Variants in MYO3B observed in about 807,000 individuals in gnomAD.
The protein encoded by MYO3B is myosin-IIIb.
In MYO3B, 156 loss-of-function variants were observed where a neutral mutation model predicts 174.6. The observed-to-expected ratio is 0.89, with a 90% CI of 0.78 to 1.02. The LOEUF (loss-of-function observed/expected upper bound fraction) is 1.02. MYO3B is among the 50% of genes least tolerant of loss of function. The pLI, the probability that MYO3B is intolerant of heterozygous loss-of-function variation, is 0.00. For synonymous variants in MYO3B, 563 were observed against 569.1 expected (o/e 0.99, Z 0.15); for missense variants, 1,632 against 1,639.4 (o/e 1.00, Z 0.08).
chr2:170,453,961 G>A (rs1683763731), intron 23 of MYO3B, among the ~76,000 whole-genome samples: 1 of 152,152 alleles, frequency 6.6e-6, no homozygotes, highest in South Asian at 2.1e-4. Flanking sequence ...CAGGCCTGTT[G>A]AGCTTTCATC....
intron 1 of MYO3B, among the ~76,000 whole-genome samples, chr2:170,185,598 C>T (rs4668216): frequency 0.43 from 64,590 of 151,898 alleles, 15,076 homozygotes; most frequent in East Asian, 0.56. Flanking sequence ...GTTTTGTTTG[C>T]TTTGCTCAGG....
intron 32 of MYO3B, among the ~76,000 whole-genome samples, chr2:170,632,992 C>CA (rs1325873146): frequency 6.6e-6 from 1 of 152,114 alleles, no homozygotes; most frequent in East Asian, 1.9e-4. Flanking sequence ...GCCTACCAAC[C>CA]AAAAAAAGTC....
At position 170,322,126 on chromosome 2, in the gene MYO3B, A is replaced by AC. The variant is rs2093832633; in HGVS notation, c.750-13259_750-13258insC. Reference sequence around the variant, plus strand: ...AGACTCCGTCTCGAAAAAAAAAAAAAAAAAAAGAGTAGCAGCACTATAATA... The same window carrying AC: ...AGACTCCGTCTCGAAAAAAAAAAAAACAAAAAAGAGTAGCAGCACTATAATA... On this transcript the variant is annotated intron_variant, in intron 7 of 34. Coordinates refer to ENST00000408978, the MANE Select transcript of MYO3B (RefSeq NM_138995.5). Among the ~76,000 whole-genome samples, 3 of 151,992 alleles carry AC rather than the reference A, an allele frequency of 2.0e-5. No homozygotes were observed. In the South Asian group the frequency reaches 6.2e-4, roughly 32 times the overall value.
chr2:170,639,169 T>C (rs1697764088), intron 32 of MYO3B, among the ~76,000 whole-genome samples: 1 of 152,242 alleles, frequency 6.6e-6, no homozygotes, highest in Non-Finnish European at 1.5e-5. Flanking sequence ...TCCATTTTTA[T>C]CTGCTTTTAC....
At chr2:170,318,079 C>T (rs1375634848) in intron 7 of MYO3B, among the ~76,000 whole-genome samples, 2 of 152,166 alleles carry the variant, frequency 1.3e-5, no homozygotes, top group Non-Finnish European at 2.9e-5. Flanking sequence ...AATCATGCCA[C>T]CTTACCTAGG....
chr2:170,264,659 A>G (rs1300452668), intron 7 of MYO3B, among the ~76,000 whole-genome samples: 1 of 152,204 alleles, frequency 6.6e-6, no homozygotes, highest in African/African-American at 2.4e-5. Flanking sequence ...TGAGGGAAAG[A>G]GATGGTATGG....
Position 170,200,190 on chromosome 2 carries a change from A to T in MYO3B, c.227A>T (p.Gln76Leu). The change falls in exon 3 of 35, where the codon CAG becomes CTG. Residue 76 changes from glutamine (Q) to leucine (L), a missense_variant. Gln to Leu is a moderately radical substitution (Grantham distance 113). Coordinates refer to ENST00000408978, the MANE Select transcript of MYO3B (RefSeq NM_138995.5). ...EEIEAEYNIL[Q>L]FLPNHPNVVK... Reference sequence around the variant, plus strand: ...ATTGAGGCAGAATACAACATTTTGCAGTTCCTTCCTAATCATCCCAATGTT... The same window carrying T: ...ATTGAGGCAGAATACAACATTTTGCTGTTCCTTCCTAATCATCCCAATGTT... 1 of 1,613,556 alleles carries T rather than the reference A, an allele frequency of 6.2e-7. No homozygotes were observed. Among genetic ancestry groups the T allele is most frequent in the Non-Finnish European group, 8.5e-7 (1 of 1,179,660 alleles).
At chr2:170,193,507 CTTAA>C (rs1204921899) in intron 1 of MYO3B, among the ~76,000 whole-genome samples, 1 of 152,054 alleles carries the variant, frequency 6.6e-6, no homozygotes, top group African/African-American at 2.4e-5. Context: ...ATTAAAGAAT[CTTAA>C]TTGATACAAC....
At chr2:170,492,396 T>C (rs910357052) in intron 25 of MYO3B, among the ~76,000 whole-genome samples, 1 of 152,238 alleles carries the variant, frequency 6.6e-6, no homozygotes, top group Admixed American at 6.5e-5. Flanking sequence ...CTATAAATTC[T>C]AGCTGCCTAG....
chr2:170,619,419 C>A (rs1367996602), intron 32 of MYO3B, among the ~76,000 whole-genome samples: 1 of 152,180 alleles, frequency 6.6e-6, no homozygotes, highest in African/African-American at 2.4e-5. Context: ...ATCTTTTATT[C>A]CGTAGCAATA....
chr2:170,566,714 A>T (rs1692098826), intron 32 of MYO3B, among the ~76,000 whole-genome samples: 1 of 152,174 alleles, frequency 6.6e-6, no homozygotes, highest in Admixed American at 6.5e-5. Context: ...TTGTGTACCA[A>T]GTGTGAATGG....
At chr2:170,557,293 C>T (rs973590388) in intron 32 of MYO3B, among the ~76,000 whole-genome samples, 7 of 152,088 alleles carry the variant, frequency 4.6e-5, no homozygotes, top group Non-Finnish European at 1.0e-4. Context: ...GCGCCCACCA[C>T]CATGCCCAGC....
At chr2:170,299,823 C>A (rs1445554351) in intron 7 of MYO3B, among the ~76,000 whole-genome samples, 2 of 152,144 alleles carry the variant, frequency 1.3e-5, no homozygotes, top group South Asian at 2.1e-4. Flanking sequence ...CAGTAAGAAA[C>A]AAAGATGCAT....
chr2:170,513,948 G>A (rs561733195), intron 28 of MYO3B, among the ~76,000 whole-genome samples: 9 of 152,212 alleles, frequency 5.9e-5, no homozygotes, highest in Non-Finnish European at 1.3e-4. Flanking sequence ...ATATTCTAAT[G>A]TGGTATATTT....
intron 7 of MYO3B, among the ~76,000 whole-genome samples, chr2:170,331,494 A>G (rs1032928973): frequency 6.6e-6 from 1 of 152,136 alleles, no homozygotes; most frequent in Non-Finnish European, 1.5e-5. Context: ...TAGGAAGTAG[A>G]ACTGAGAAGA....
intron 32 of MYO3B, among the ~76,000 whole-genome samples, chr2:170,636,367 A>ATGT (rs1054545043): frequency 6.6e-6 from 1 of 151,444 alleles, no homozygotes; most frequent in Non-Finnish European, 1.5e-5. Flanking sequence ...TGTTTGTGTT[A>ATGT]TGTTATTGAA....
rs16858727 is a variant in MYO3B, at chr2:170,546,672, A to T, written c.3733+2684A>T. On this transcript the variant is annotated intron_variant, in intron 32 of 34. Coordinates refer to ENST00000408978, the MANE Select transcript of MYO3B (RefSeq NM_138995.5). ...GAACAAATTAGTTTTTCCGTTTCGC[A>T]TATATTATCAGTTGTAGAAACAAGA... 0.029 allele frequency among the ~76,000 whole-genome samples: 4,372 copies of T among 152,370 alleles called. 560 individuals are homozygous for T. The East Asian group carries it at 0.44, about 15-fold the overall frequency.
At chr2:170,180,118 C>T (rs1444412148) in intron 1 of MYO3B, 3 of 407,514 alleles carry the variant, frequency 7.4e-6, no homozygotes, top group African/African-American at 2.0e-5. Context: ...ATCATGCTCG[C>T]TAGGCTTGAC....
chr2:170,223,025 C>T (rs1162267629), intron 6 of MYO3B, among the ~76,000 whole-genome samples: 4 of 152,126 alleles, frequency 2.6e-5, no homozygotes, highest in African/African-American at 7.2e-5. Flanking sequence ...TTGAGGCAAA[C>T]GTGGTTCTTT....
Sources: gnomAD v4.1 joint callset for allele counts (sites outside exome capture counted in the v4.1 genomes callset) on GRCh38, gnomAD v4.1.1 for gene constraint, MANE v1.5 for transcripts, NCBI Gene and HGNC (gene_info 2026-07-23, HGNC 2026-07-21) for gene names.